DSCAML1: variants seen among roughly 807,000 people sequenced by gnomAD.
DSCAML1 encodes cell adhesion molecule DSCAML1.
In DSCAML1, 38 loss-of-function variants were observed where a neutral mutation model predicts 200.5. The ratio of observed to expected loss-of-function variants is 0.19; its 90% confidence interval spans 0.15 to 0.25. The LOEUF (loss-of-function observed/expected upper bound fraction) is 0.25. Ranked by LOEUF, DSCAML1 falls within the 10% of genes least tolerant of loss-of-function variation. The pLI is 1.00. For missense variants in DSCAML1, 2,223 were observed against 2,858.8 expected, an observed-to-expected ratio of 0.78 and a Z score of 5.07; for synonymous variants, 1,215 against 1,165.0, an observed-to-expected ratio of 1.04 and a Z score of -0.87.
chr11:117,522,614 T>C (rs931659849), intron 5 of DSCAML1, among the ~76,000 whole-genome samples: 1 of 152,162 alleles, frequency 6.6e-6, no homozygotes, highest in African/African-American at 2.4e-5. Context: ...GACCGCATGC[T>C]TGCTTCTCCC....
In DSCAML1 at chr11:117,450,581, T is replaced by C. The variant is rs1183795222; in HGVS notation, c.3676A>G (p.Ile1226Val). The change falls in exon 20 of 33, where the codon ATC (isoleucine) becomes GTC (valine). Residue 1226 changes from isoleucine (I) to valine (V), a missense_variant. By Grantham distance (29) the Ile-to-Val change is conservative. Transcript: ENST00000651296. ...CCAGACCCGGGGCTGGAACAGAAGA[T>C]GGTGTACTTGCGGATCACCCCGTTG... ...KPNGVIRKYT[I>V]FCSSPGSGQP... 9.9e-6 allele frequency: 16 copies of C among 1,614,048 alleles called. No homozygotes were observed. The highest frequency in any genetic ancestry group is 1.7e-5 in the Admixed American group (1 of 60,002).
At chr11:117,515,558 A>G (rs1290358239) in intron 8 of DSCAML1, among the ~76,000 whole-genome samples, 2 of 148,076 alleles carry the variant, frequency 1.4e-5, no homozygotes, top group Non-Finnish European at 3.0e-5. Flanking sequence ...AGGACCAGGC[A>G]TGAAACAAAG....
At chr11:117,452,493 T>C (rs1429638862) in intron 19 of DSCAML1, among the ~76,000 whole-genome samples, 1 of 152,230 alleles carries the variant, frequency 6.6e-6, no homozygotes, top group Admixed American at 6.5e-5. Flanking sequence ...TATACCCTTA[T>C]GTTTTAGACA....
rs1182143268 is a variant in DSCAML1, at chr11:117,577,458, T to TTTCC, written c.512-44940_512-44937dup. On this transcript the variant is annotated intron_variant, in intron 3 of 32. Coordinates refer to ENST00000651296, the MANE Select transcript of DSCAML1 (RefSeq NM_020693.4). Reference sequence around the variant, plus strand: ...CTTCTTTCCTTCCTTCCTTCCTTCCTTTCCTTCCTTCCTTCCTTCCTTCCT... The same window carrying TTTCC: ...CTTCTTTCCTTCCTTCCTTCCTTCCTTTCCTTCCTTCCTTCCTTCCTTCCTTCCT... 3.4e-3 allele frequency among the ~76,000 whole-genome samples: 193 copies of TTTCC among 57,368 alleles called. 3 individuals carry two copies. The highest frequency in any genetic ancestry group is 0.033 in the South Asian group (33 of 994). The allele number at this position is 57,368 out of a possible 152,430, so 37.6% of individuals were successfully genotyped here. A position where few individuals can be genotyped will look rare whatever the true frequency, so the allele number is the denominator to read the frequency against.
intron 11 of DSCAML1, among the ~76,000 whole-genome samples, chr11:117,493,265 G>A (rs1275690115): frequency 6.6e-6 from 1 of 152,062 alleles, no homozygotes; most frequent in African/African-American, 2.4e-5. Context: ...CGCAGGACGG[G>A]GAGTGTTCTC....
chr11:117,612,017 GACACAC>G, intron 3 of DSCAML1: 1 of 150,440 alleles, frequency 6.6e-6, no homozygotes, highest in Non-Finnish European at 1.5e-5. Flanking sequence ...CACACACAGA[GACACAC>G]ACACACACAC....
Position 117,503,925 on chromosome 11 carries a change from T to A in DSCAML1, c.2279A>T (p.Glu760Val), listed in dbSNP as rs1184533176. 2.5e-6 allele frequency: 4 copies of A among 1,614,022 alleles called. No homozygotes were observed. The highest frequency in any genetic ancestry group is 3.4e-6 in the Non-Finnish European group (4 of 1,180,026). ...SSLLIRHVLEEDIGYYLCQAS... is the reference protein window; with the variant it reads ...SSLLIRHVLEVDIGYYLCQAS... ...CTGGCAGAGGTAGTAGCCGATGTCC[T>A]CTTCTAGGACGTGGCGGATCAGCAG... is the stretch of plus-strand genomic sequence containing the variant. Residue 760 changes from glutamate to valine, a missense_variant, in exon 11 of 33, where the codon GAG becomes GTG. Transcript: ENST00000651296. The surrounding 1 kb of genome is among the most constrained non-coding windows in gnomAD (Gnocchi z 5.2).
chr11:117,698,065 C>T (rs573868019), intron 3 of DSCAML1, among the ~76,000 whole-genome samples: 1 of 152,296 alleles, frequency 6.6e-6, no homozygotes, highest in African/African-American at 2.4e-5. Context: ...CCACTGCACC[C>T]AGCCAGAATT....
intron 3 of DSCAML1, among the ~76,000 whole-genome samples, chr11:117,534,334 T>C (rs2050129659): frequency 6.6e-6 from 1 of 152,218 alleles, no homozygotes; most frequent in African/African-American, 2.4e-5. Flanking sequence ...CACGACGATA[T>C]CTTTGACAAA....
At chr11:117,646,076 CT>C in intron 3 of DSCAML1, among the ~76,000 whole-genome samples, 1 of 152,108 alleles carries the variant, frequency 6.6e-6, no homozygotes, top group South Asian at 2.1e-4. Flanking sequence ...TAATTTTATT[CT>C]TTTCAATAAA....
intron 3 of DSCAML1, among the ~76,000 whole-genome samples, chr11:117,750,627 G>A (rs556369290): frequency 6.6e-6 from 1 of 152,218 alleles, no homozygotes; most frequent in Non-Finnish European, 1.5e-5. Context: ...ATAAGAAACA[G>A]AGTGTAGGCC....
At chr11:117,597,071 C>T (rs972329883) in intron 3 of DSCAML1, among the ~76,000 whole-genome samples, 13 of 152,142 alleles carry the variant, frequency 8.5e-5, no homozygotes, top group African/African-American at 2.9e-4. Flanking sequence ...GGAACAGCAC[C>T]GTTCTGCATG....
In DSCAML1 at chr11:117,575,220, T is replaced by C. The variant is rs112521106; in HGVS notation, c.512-42698A>G. 1.5e-3 allele frequency among the ~76,000 whole-genome samples: 232 copies of C among 152,260 alleles called. 2 individuals carry two copies. Among genetic ancestry groups the C allele is most frequent in the African/African-American group, 5.2e-3 (215 of 41,554 alleles). On this transcript the variant is annotated intron_variant, in intron 3 of 32. Coordinates refer to ENST00000651296, the MANE Select transcript of DSCAML1 (RefSeq NM_020693.4). ...AATAAAAAACAGAACAGAAGTCCTG[T>C]GTCCTGAGAACAAGACGCTCTGGGA...
chr11:117,766,381 G>A (rs1410623230), intron 3 of DSCAML1, among the ~76,000 whole-genome samples: 1 of 152,218 alleles, frequency 6.6e-6, no homozygotes, highest in Non-Finnish European at 1.5e-5. Flanking sequence ...ACTAAAGCAA[G>A]ATTGATTTTG....
intron 3 of DSCAML1, among the ~76,000 whole-genome samples, chr11:117,752,475 T>A (rs1020912565): frequency 2.0e-5 from 3 of 152,092 alleles, no homozygotes; most frequent in Non-Finnish European, 2.9e-5. Context: ...GGATGCTAGA[T>A]CCCCTAAGAA....
At chr11:117,620,331 A>G (rs1254456301) in intron 3 of DSCAML1, among the ~76,000 whole-genome samples, 6 of 151,948 alleles carry the variant, frequency 3.9e-5, no homozygotes, top group Admixed American at 3.9e-4. Context: ...CCCTACCAGT[A>G]CCTGTAAACA....
At chr11:117,704,777 C>G (rs990069278) in intron 3 of DSCAML1, among the ~76,000 whole-genome samples, 1 of 152,176 alleles carries the variant, frequency 6.6e-6, no homozygotes, top group African/African-American at 2.4e-5. Flanking sequence ...ATGCGAGTCT[C>G]GGTATATTTC....
At chr11:117,702,342 T>C (rs1366574998) in intron 3 of DSCAML1, among the ~76,000 whole-genome samples, 1 of 152,074 alleles carries the variant, frequency 6.6e-6, no homozygotes, top group East Asian at 1.9e-4. Context: ...CCCTAGAACA[T>C]GATGCCTTCC....
At chr11:117,507,577 G>T (rs1232462140) in intron 8 of DSCAML1, among the ~76,000 whole-genome samples, 2 of 152,192 alleles carry the variant, frequency 1.3e-5, no homozygotes, top group South Asian at 4.1e-4. Context: ...GTGACCGTCA[G>T]TAGGGCCCTC....
Sources: allele counts gnomAD v4.1 joint callset (sites outside exome capture counted in the v4.1 genomes callset), GRCh38; gene constraint gnomAD v4.1.1; non-coding constraint Gnocchi (gnomAD v3.1); transcripts MANE v1.5; gene names NCBI Gene and HGNC (gene_info 2026-07-23, HGNC 2026-07-21).